Variants in CPA6 observed in about 807,000 individuals in gnomAD.
The protein encoded by CPA6 is carboxypeptidase A6.
In CPA6, 58 loss-of-function variants were observed where a neutral mutation model predicts 63.3. The ratio of observed to expected loss-of-function variants is 0.92; its 90% CI spans 0.74 to 1.14. The LOEUF (loss-of-function observed/expected upper bound fraction) is 1.14. Among genes scored for constraint, CPA6 ranks in the 50% most tolerant of loss-of-function variants. The pLI, the probability that CPA6 is intolerant of heterozygous loss-of-function variation, is 0.00. For synonymous variants in CPA6, 185 were observed against 179.0 expected (o/e 1.03, Z -0.27); for missense variants, 565 against 526.6 (o/e 1.07, Z -0.71).
chr8:67,625,022 T>C (rs976303471), intron 1 of CPA6, among the ~76,000 whole-genome samples: 1 of 151,944 alleles, frequency 6.6e-6, no homozygotes, highest in Non-Finnish European at 1.5e-5. Flanking sequence ...ATCTCCCTGA[T>C]GGACAAAAAC....
At position 67,428,056 on chromosome 8, in the gene CPA6, T is replaced by C. The variant is rs1809932997; in HGVS notation, c.1117A>G (p.Thr373Ala). 3.1e-6 allele frequency: 5 copies of C among 1,608,068 alleles called. No individual in the cohort carries two copies. In the Middle Eastern group the frequency reaches 5.0e-4, roughly 159 times the overall value. The change falls in exon 10 of 11, where the codon ACA becomes GCA. Residue 373 changes from threonine to alanine, a missense_variant. Coordinates refer to ENST00000297770, the MANE Select transcript of CPA6 (RefSeq NM_020361.5). ...TACGCAGGAAACTTACACAACGTTG[T>C]GGAGGCTGGTCCATATCTGTATCGT... Reference protein sequence around the residue: ...GVRYRYGPASTTLYVSSGSSM... With the variant: ...GVRYRYGPASATLYVSSGSSM...
At chr8:67,519,196 A>T (rs915080126) in intron 2 of CPA6, among the ~76,000 whole-genome samples, 2 of 152,238 alleles carry the variant, frequency 1.3e-5, no homozygotes, top group Non-Finnish European at 2.9e-5. Flanking sequence ...CCAGTGCCTT[A>T]GCCAGTGCTC....
At chr8:67,730,044 C>T (rs1400455873) in intron 1 of CPA6, among the ~76,000 whole-genome samples, 2 of 152,236 alleles carry the variant, frequency 1.3e-5, no homozygotes, top group Non-Finnish European at 1.5e-5. Flanking sequence ...ATTCCCCCAA[C>T]AAGCAATTCT....
At chr8:67,539,529 T>C (rs955830230) in intron 2 of CPA6, among the ~76,000 whole-genome samples, 17 of 152,204 alleles carry the variant, frequency 1.1e-4, no homozygotes, top group Non-Finnish European at 1.9e-4. Flanking sequence ...TTTCCTGAAT[T>C]TCAATGTTGG....
At chr8:67,745,030 A>T (rs961594548) in intron 1 of CPA6, among the ~76,000 whole-genome samples, 8 of 152,154 alleles carry the variant, frequency 5.3e-5, no homozygotes, top group African/African-American at 1.9e-4. Flanking sequence ...ACACTTACAA[A>T]TTCTCTTTTA....
rs1476849138 is a variant in CPA6, at chr8:67,595,906, G to T, written c.192+28270C>A. Among the ~76,000 whole-genome samples, 4 of 152,292 alleles carry T rather than the reference G, an allele frequency of 2.6e-5. No individual in the cohort carries two copies. The East Asian group carries it at 7.7e-4, about 29-fold the overall frequency. On this transcript the variant is annotated intron_variant, in intron 2 of 10. Coordinates refer to ENST00000297770, the MANE Select transcript of CPA6 (RefSeq NM_020361.5). ...CTGCACCCACTGTCCTGCGCCCACT[G>T]TCTGGCACTCCCCAGTGAGATGAAC... is the stretch of plus-strand genomic sequence containing the variant.
chr8:67,694,986 T>C (rs754961906), intron 1 of CPA6, among the ~76,000 whole-genome samples: 1 of 152,022 alleles, frequency 6.6e-6, no homozygotes, highest in East Asian at 1.9e-4. Flanking sequence ...AACAAAAAAT[T>C]TGGAGAAGAG....
At chr8:67,531,016 CAT>C (rs554714609) in intron 2 of CPA6, among the ~76,000 whole-genome samples, 92 of 152,228 alleles carry the variant, frequency 6.0e-4, no homozygotes, top group Admixed American at 5.2e-3. Flanking sequence ...AGATTCAACA[CAT>C]AGCAGGATTA....
intron 2 of CPA6, among the ~76,000 whole-genome samples, chr8:67,528,832 C>A (rs543530228): frequency 6.6e-6 from 1 of 152,068 alleles, no homozygotes; most frequent in East Asian, 2.0e-4. Flanking sequence ...CTTTATTATT[C>A]TTTCCTAATA....
chr8:67,589,529 C>T (rs1814047096), intron 2 of CPA6, among the ~76,000 whole-genome samples: 1 of 152,160 alleles, frequency 6.6e-6, no homozygotes, highest in Non-Finnish European at 1.5e-5. Flanking sequence ...GGTAAGACCA[C>T]TTCTAAACTT....
chr8:67,530,495 T>C (rs752083464), intron 2 of CPA6, among the ~76,000 whole-genome samples: 4 of 152,188 alleles, frequency 2.6e-5, no homozygotes, highest in Non-Finnish European at 4.4e-5. Flanking sequence ...ACTAGATAAC[T>C]GGAACACTCC....
At chr8:67,589,402 G>A (rs1471098881) in intron 2 of CPA6, among the ~76,000 whole-genome samples, 3 of 152,132 alleles carry the variant, frequency 2.0e-5, no homozygotes, top group Non-Finnish European at 4.4e-5. Flanking sequence ...CGATGGAGAA[G>A]GAAATATAGA....
Position 67,545,580 on chromosome 8 carries a change from T to TTTTTTTTTTG in CPA6, c.193-27534_193-27533insCAAAAAAAAA, listed in dbSNP as rs750417027. On this transcript the variant is annotated intron_variant, in intron 2 of 10. Coordinates refer to ENST00000297770, the MANE Select transcript of CPA6 (RefSeq NM_020361.5). ...TACTGTTACTTTTTTTTTTTTTTTT[T>TTTTTTTTTTG]TTTTGAGATGGAGTTTTGCTCTTGT... 1.1e-4 allele frequency among the ~76,000 whole-genome samples: 14 copies of TTTTTTTTTTG among 125,666 alleles called. 2 individuals carry two copies. Among genetic ancestry groups the TTTTTTTTTTG allele is most frequent in the Non-Finnish European group, 1.3e-4 (8 of 60,026 alleles). 82.4% of individuals were successfully genotyped at this position (125,666 alleles called of 152,430 possible).
In CPA6 at chr8:67,489,851, G is replaced by A. The variant is rs563411343; in HGVS notation, c.637-5062C>T. Among the ~76,000 whole-genome samples the A allele has an allele frequency of 3.3e-5, 5 of 151,780 alleles. No individual in the cohort carries two copies. The East Asian group carries it at 7.7e-4, about 24-fold the overall frequency. ...CAATTTTTGTTTTATATATTTTGAG[G>A]CCATTAACATCATTTAAAATTTTTT... On this transcript the variant is annotated intron_variant, in intron 6 of 10. Transcript: ENST00000297770.
In CPA6 at chr8:67,732,993, G is replaced by C. The variant is rs890629547; in HGVS notation, c.116+13021C>G. 4.6e-5 allele frequency among the ~76,000 whole-genome samples: 7 copies of C among 151,922 alleles called. No homozygotes were observed. The East Asian group carries it at 1.4e-3, about 30-fold the overall frequency. The stretch of plus-strand genomic sequence containing the variant: ...GGGCGGATCATGAGGTCAGGAGATC[G>C]AGACGATCCCGGCTAACACGGTGAA... On this transcript the variant is annotated intron_variant, in intron 1 of 10. Transcript: ENST00000297770.
intron 6 of CPA6, among the ~76,000 whole-genome samples, chr8:67,500,418 A>G (rs1811807777): frequency 6.6e-6 from 1 of 152,092 alleles, no homozygotes; most frequent in Admixed American, 6.6e-5. Flanking sequence ...TTGAGTTTAT[A>G]TATTCCAAAT....
intron 6 of CPA6, among the ~76,000 whole-genome samples, chr8:67,495,935 G>A (rs1299830718): frequency 6.6e-6 from 1 of 152,076 alleles, no homozygotes. Context: ...GCATTATATG[G>A]CATTAGAGTT....
At chr8:67,542,978 TATTA>T (rs977441971) in intron 2 of CPA6, among the ~76,000 whole-genome samples, 3 of 152,232 alleles carry the variant, frequency 2.0e-5, no homozygotes, top group African/African-American at 7.2e-5. Flanking sequence ...ACCATATCTA[TATTA>T]ATTATTTAGT....
At chr8:67,553,425 A>G (rs1261655688) in intron 2 of CPA6, among the ~76,000 whole-genome samples, 2 of 152,218 alleles carry the variant, frequency 1.3e-5, no homozygotes, top group Non-Finnish European at 2.9e-5. Flanking sequence ...TGATATTATA[A>G]GTTCTCAAGC....
Sources: allele counts gnomAD v4.1 joint callset (sites outside exome capture counted in the v4.1 genomes callset), GRCh38; gene constraint gnomAD v4.1.1; transcripts MANE v1.5; gene names NCBI Gene and HGNC (gene_info 2026-07-23, HGNC 2026-07-21).